ZDHHC21: variants seen among roughly 807,000 people sequenced by gnomAD.
ZDHHC21 encodes the protein palmitoyltransferase ZDHHC21.
Under a neutral mutation model 34.6 loss-of-function variants are expected in ZDHHC21, and 15 were observed. The ratio of observed to expected loss-of-function variants is 0.43; its 90% CI spans 0.29 to 0.67. The LOEUF (loss-of-function observed/expected upper bound fraction) is 0.67. Among genes scored for constraint, ZDHHC21 ranks in the 30% least tolerant of loss-of-function variants. ZDHHC21 has a pLI of 0.14. For missense variants in ZDHHC21, 344 were observed against 327.7 expected, an observed-to-expected ratio of 1.05 and a Z score of -0.38; for synonymous variants, 142 against 101.8, an observed-to-expected ratio of 1.40 and a Z score of -2.38.
At chr9:14,670,550 G>T (rs1352895044) in intron 5 of ZDHHC21, among the ~76,000 whole-genome samples, 1 of 152,052 alleles carries the variant, frequency 6.6e-6, no homozygotes, top group Non-Finnish European at 1.5e-5. Context: ...AATAGAGACT[G>T]TATGGCCCAT....
Position 14,623,645 on chromosome 9 carries a change from G to GA in ZDHHC21, c.622-3964dup, listed in dbSNP as rs71322000. Among the ~76,000 whole-genome samples, 965 of 123,418 alleles carry GA rather than the reference G, an allele frequency of 7.8e-3. 15 individuals carry two copies. The highest frequency in any genetic ancestry group is 0.03 in the East Asian group (128 of 4,284). 81.0% of individuals were successfully genotyped at this position (123,418 alleles called of 152,430 possible). ...CATAAGGAACACAAACAACTCAACA[G>GA]AAAAAAAAAAAAAAAGAGAGAGAAA... On this transcript the variant is annotated intron_variant, in intron 8 of 9. Transcript: ENST00000380916.
intron 8 of ZDHHC21, among the ~76,000 whole-genome samples, chr9:14,623,658 AAAGAG>A (rs1487153415): frequency 3.5e-4 from 53 of 151,560 alleles, no homozygotes; most frequent in African/African-American, 1.3e-3. Flanking sequence ...AAAAAAAAAA[AAAGAG>A]AGAGAAAACA....
chr9:14,624,310 T>C (rs530432130), intron 8 of ZDHHC21, among the ~76,000 whole-genome samples: 2 of 151,744 alleles, frequency 1.3e-5, no homozygotes, highest in South Asian at 2.1e-4. Flanking sequence ...CAGAAATCAA[T>C]CCCCCATGGA....
downstream of ZDHHC21, among the ~76,000 whole-genome samples, chr9:14,606,178 C>T (rs1048249208): frequency 6.6e-6 from 1 of 152,120 alleles, no homozygotes; most frequent in East Asian, 1.9e-4. Flanking sequence ...ACAATATCTC[C>T]CATCCTATAT....
chr9:14,591,975 G>C, the ZDHHC21 span, among the ~76,000 whole-genome samples: 1 of 151,794 alleles, frequency 6.6e-6, no homozygotes, highest in Non-Finnish European at 1.5e-5. Flanking sequence ...ACATATAGTT[G>C]GATCTTGCTT....
chr9:14,678,706 C>G (rs1836851605), intron 3 of ZDHHC21, among the ~76,000 whole-genome samples: 1 of 151,914 alleles, frequency 6.6e-6, no homozygotes, highest in Admixed American at 6.6e-5. Flanking sequence ...TATATACAGA[C>G]AAGGATGTAC....
At chr9:14,645,146 T>C (rs1012281040) in intron 7 of ZDHHC21, among the ~76,000 whole-genome samples, 5 of 152,002 alleles carry the variant, frequency 3.3e-5, no homozygotes, top group East Asian at 1.9e-4. Flanking sequence ...AAAATTTCCA[T>C]AGGAGGAAAA....
At chr9:14,672,452 T>C (rs183212656) in intron 5 of ZDHHC21, among the ~76,000 whole-genome samples, 59 of 152,204 alleles carry the variant, frequency 3.9e-4, no homozygotes, top group African/African-American at 1.4e-3. Context: ...TCTCTGTACA[T>C]AGATCCATGG....
chr9:14,660,372 C>CAAAAAAAAAAAAAAAAAAA (rs374162221), intron 6 of ZDHHC21, among the ~76,000 whole-genome samples: 1 of 58,802 alleles, frequency 1.7e-5, no homozygotes, highest in African/African-American at 7.7e-5. Context: ...GACTCCATCT[C>CAAAAAAAAAAAAAAAAAAA]AAAAAAAAAA....
At chr9:14,637,014 C>T (rs2133664223) in intron 8 of ZDHHC21, among the ~76,000 whole-genome samples, 1 of 151,676 alleles carries the variant, frequency 6.6e-6, no homozygotes, top group Non-Finnish European at 1.5e-5. Context: ...CAAGAATGAA[C>T]CAAACCGAAA....
chr9:14,679,136 G>A (rs1000683516), intron 3 of ZDHHC21, among the ~76,000 whole-genome samples: 2 of 152,050 alleles, frequency 1.3e-5, no homozygotes, highest in African/African-American at 2.4e-5. Context: ...GTCATGGTAC[G>A]TAAATTTACC....
At chr9:14,596,528 C>T in the ZDHHC21 span, among the ~76,000 whole-genome samples, 1 of 152,112 alleles carries the variant, frequency 6.6e-6, no homozygotes, top group Admixed American at 6.5e-5. Context: ...ATTCACTGGT[C>T]CGGTAGGAAA....
intron 7 of ZDHHC21, 145 bp from the exon 8 acceptor site, chr9:14,640,157 A>T: frequency 2.1e-6 from 1 of 469,084 alleles, no homozygotes; most frequent in Non-Finnish European, 3.8e-6. Flanking sequence ...TTCTATTGAA[A>T]TCAATGTATA....
chr9:14,620,465 T>A (rs1825114509), intron 8 of ZDHHC21, among the ~76,000 whole-genome samples: 1 of 152,178 alleles, frequency 6.6e-6, no homozygotes. Flanking sequence ...TTTGAAACAG[T>A]GCAAAAGAGT....
At chr9:14,606,370 T>C (rs1420991518), downstream of ZDHHC21, among the ~76,000 whole-genome samples, 1 of 152,196 alleles carries the variant, frequency 6.6e-6, no homozygotes, top group Non-Finnish European at 1.5e-5. Context: ...GCCATCATGC[T>C]GTAAGTAAGC....
intron 8 of ZDHHC21, among the ~76,000 whole-genome samples, chr9:14,629,841 G>A (rs776787556): frequency 3.3e-5 from 5 of 152,072 alleles, no homozygotes; most frequent in Non-Finnish European, 5.9e-5. Context: ...GAGGTCAAGC[G>A]ATCGATACCA....
At chr9:14,664,124 G>C (rs1009217113) in intron 5 of ZDHHC21, among the ~76,000 whole-genome samples, 1 of 152,150 alleles carries the variant, frequency 6.6e-6, no homozygotes, top group Non-Finnish European at 1.5e-5. Flanking sequence ...GGGAGTGCCA[G>C]ACAGTGGGCG....
In ZDHHC21 at chr9:14,611,318, G is replaced by A. The variant is rs1420017299; in HGVS notation, c.*7648C>T. The A allele has an allele frequency of 1.3e-5, 2 of 151,800 alleles. No homozygotes were observed. The highest frequency in any genetic ancestry group is 2.4e-5 in the African/African-American group (1 of 41,364). The allele number at this position is 151,800 out of a possible 1,614,324, so 9.4% of individuals were successfully genotyped here. A position where few individuals can be genotyped will look rare whatever the true frequency, so the allele number is the denominator to read the frequency against. ...TTTTCATCTAAACAAATACATCTCA[G>A]CTACATGGTTCCCACTTGTCATTTC... is the stretch of plus-strand genomic sequence containing the variant. On this transcript the variant is annotated 3_prime_UTR_variant, in exon 10 of 10. Transcript: ENST00000380916.
chr9:14,678,594 T>C (rs1020454015), intron 3 of ZDHHC21, among the ~76,000 whole-genome samples: 1 of 152,020 alleles, frequency 6.6e-6, no homozygotes, highest in African/African-American at 2.4e-5. Context: ...GCTGATACAA[T>C]CATCCTGGGA....
Sources: gnomAD v4.1 joint callset for allele counts (sites outside exome capture counted in the v4.1 genomes callset) on GRCh38, gnomAD v4.1.1 for gene constraint, MANE v1.5 for transcripts, NCBI Gene and HGNC (gene_info 2026-07-23, HGNC 2026-07-21) for gene names.